The following SMARCB1 variants were observed in gnomAD, a reference collection of about 807,000 sequenced individuals.
SMARCB1 encodes the protein SWI/SNF-related matrix-associated actin-dependent regulator of chromatin subfamily B member 1.
SMARCB1 carries 5 observed loss-of-function variants against 49.0 expected under a neutral mutation model. That is an observed-to-expected ratio of 0.10 (90% confidence interval 0.05 to 0.21). The LOEUF (loss-of-function observed/expected upper bound fraction) is 0.21, where lower values mean the gene tolerates loss of function less well. SMARCB1 is among the 10% of genes least tolerant of loss of function. SMARCB1 has a pLI of 1.00. For missense variants in SMARCB1, 226 were observed against 509.2 expected, an observed-to-expected ratio of 0.44 and a Z score of 5.35; for synonymous variants, 201 against 200.1, an observed-to-expected ratio of 1.00 and a Z score of -0.04.
At chr22:23,833,762 G>T in intron 8 of SMARCB1, 59 bp downstream of exon 8, 1 of 1,597,974 alleles carries the variant, frequency 6.3e-7, no homozygotes. Context: ...TCCAGGCAGA[G>T]GCAGGGCCAT....
intron 3 of SMARCB1, among the ~76,000 whole-genome samples, chr22:23,797,067 G>A (rs1209511775): frequency 1.4e-5 from 2 of 146,974 alleles, no homozygotes; most frequent in South Asian, 4.4e-4. Flanking sequence ...GCGCAATCTC[G>A]GCTCACTGCA....
At position 23,812,225 on chromosome 22, in the gene SMARCB1, G is replaced by A. The variant is rs1195879136; in HGVS notation, c.629-4545G>A. On this transcript the variant is annotated intron_variant, in intron 5 of 8. Coordinates refer to ENST00000644036, the MANE Select transcript of SMARCB1 (RefSeq NM_003073.5). ...AATCCCAGCTCTTTGGGAGGCTGAG[G>A]TGGGAGGATTACTTGAGGCCAGGAG... Among the ~76,000 whole-genome samples the A allele has an allele frequency of 3.9e-5, 6 of 152,202 alleles. No individual in the cohort carries two copies. In the East Asian group the frequency reaches 1.2e-3, roughly 29 times the overall value.
rs555143629 is a variant in SMARCB1, at chr22:23,837,706, A to G, written c.*3526A>G. On this transcript the variant is annotated 3_prime_UTR_variant, in exon 9 of 9. Coordinates refer to ENST00000644036, the MANE Select transcript of SMARCB1 (RefSeq NM_003073.5). Reference sequence around the variant, plus strand: ...GTTGCCCAGCAGCAGCGAGAAGCCCATGAGCGCCCAAGGCAGGAACGGTGC... The same window carrying G: ...GTTGCCCAGCAGCAGCGAGAAGCCCGTGAGCGCCCAAGGCAGGAACGGTGC... 3.7e-6 allele frequency: 6 copies of G among 1,613,954 alleles called. No homozygotes were observed. Among genetic ancestry groups the G allele is most frequent in the Admixed American group, 1.7e-5 (1 of 60,018 alleles).
chr22:23,812,865 AT>A (rs34368167), intron 5 of SMARCB1, among the ~76,000 whole-genome samples: 13,058 of 137,706 alleles, frequency 0.095, 1,669 homozygotes, highest in African/African-American at 0.29. Context: ...TCCTGTTGCT[AT>A]TTTTTTTTTT....
At chr22:23,832,922 C>A (rs912464824) in intron 7 of SMARCB1, among the ~76,000 whole-genome samples, 6 of 152,076 alleles carry the variant, frequency 3.9e-5, no homozygotes, top group African/African-American at 1.2e-4. Flanking sequence ...CTTGTGAGAC[C>A]CAGGGCAGAG....
chr22:23,802,921 C>T (rs1164766425), intron 4 of SMARCB1: 1 of 368,018 alleles, frequency 2.7e-6, no homozygotes, highest in Non-Finnish European at 5.3e-6. Flanking sequence ...CCTCCATTCA[C>T]CTGCCTTGGC....
intron 7 of SMARCB1, among the ~76,000 whole-genome samples, chr22:23,831,563 TA>T (rs2030658071): frequency 6.6e-6 from 1 of 152,190 alleles, no homozygotes; most frequent in Non-Finnish European, 1.5e-5. Flanking sequence ...CAAGGCAGGC[TA>T]GTGCTGGCTC....
intron 5 of SMARCB1, among the ~76,000 whole-genome samples, chr22:23,811,410 A>G (rs1929863251): frequency 1.3e-5 from 2 of 152,258 alleles, no homozygotes; most frequent in Admixed American, 6.5e-5. Context: ...ATTAGCATTT[A>G]TAGAACACTC....
At chr22:23,819,051 C>T (rs2029934160) in intron 6 of SMARCB1, among the ~76,000 whole-genome samples, 2 of 151,990 alleles carry the variant, frequency 1.3e-5, no homozygotes, top group South Asian at 4.2e-4. Context: ...GGGGTTTCGC[C>T]ATGTTGCCCA....
chr22:23,793,780 A>AAT, intron 3 of SMARCB1, 92 bp downstream of exon 3: 35 of 923,280 alleles, frequency 3.8e-5, no homozygotes, highest in Middle Eastern at 3.1e-4. Flanking sequence ...AAATTGAAAC[A>AAT]CTTTTTTTTT....
intron 7 of SMARCB1, chr22:23,825,688 C>T: frequency 2.0e-6 from 1 of 505,914 alleles, no homozygotes. Flanking sequence ...TCCACGGAGC[C>T]CTGGCCTGCC....
chr22:23,814,021 G>C (rs1930034120), intron 5 of SMARCB1, among the ~76,000 whole-genome samples: 1 of 151,942 alleles, frequency 6.6e-6, no homozygotes, highest in African/African-American at 2.4e-5. Flanking sequence ...GTAGAGACAG[G>C]GTATTACCAT....
In SMARCB1 at chr22:23,834,806, C is replaced by A; in HGVS notation, c.*626C>A. The A allele has an allele frequency of 6.2e-7, 1 of 1,605,312 alleles. No individual in the cohort carries two copies. Among genetic ancestry groups the A allele is most frequent in the South Asian group, 1.1e-5 (1 of 89,740 alleles). ...CTCTGCCTTTCAGGAACAGCCCTAA[C>A]CCTGCTCCCCTTGCTTGGCCTCAGG... On this transcript the variant is annotated 3_prime_UTR_variant, in exon 9 of 9. Transcript: ENST00000644036.
chr22:23,805,777 T>A lies in SMARCB1; in HGVS notation c.628+2355T>A, dbSNP rs371583869. On this transcript the variant is annotated intron_variant, in intron 5 of 8. Transcript: ENST00000644036. The stretch of plus-strand genomic sequence containing the variant: ...GCCTTGGCCTCCCAAAGTGCTGGGA[T>A]TACAGGCGTGAGCCACCGCGCCCGG... Among the ~76,000 whole-genome samples, 75 of 152,362 alleles carry A rather than the reference T, an allele frequency of 4.9e-4. 1 individual carries two copies. Among genetic ancestry groups the A allele is most frequent in the African/African-American group, 1.8e-3 (74 of 41,594 alleles).
In SMARCB1 at chr22:23,787,011, G is replaced by A; in HGVS notation, c.-159G>A. ...GGCGGCCTGGTCGTCGTCTGCGGCG[G>A]CGGCGGCGGCTGAGGAGCCCGGCTG... On this transcript the variant is annotated 5_prime_UTR_variant, in exon 1 of 9. Transcript: ENST00000644036. The A allele has an allele frequency of 2.0e-6, 1 of 504,930 alleles. No individual in the cohort carries two copies. Among genetic ancestry groups the A allele is most frequent in the Non-Finnish European group, 3.5e-6 (1 of 288,242 alleles). 31.3% of individuals were successfully genotyped at this position (504,930 alleles called of 1,614,324 possible).
At chr22:23,795,436 A>T (rs1216527486) in intron 3 of SMARCB1, among the ~76,000 whole-genome samples, 1 of 152,010 alleles carries the variant, frequency 6.6e-6, no homozygotes, top group Non-Finnish European at 1.5e-5. Context: ...CGGGCGGATC[A>T]CCTGAGGTCA....
At position 23,835,938 on chromosome 22, in the gene SMARCB1, C is replaced by T; in HGVS notation, c.*1758C>T. ...CTGGCTACAACACGGAGGGCAGACT[C>T]AACAGAGAACAGTGTTGTTACCATG... On this transcript the variant is annotated 3_prime_UTR_variant, in exon 9 of 9. Coordinates refer to ENST00000644036, the MANE Select transcript of SMARCB1 (RefSeq NM_003073.5). 1 of 985,520 alleles carries T rather than the reference C, an allele frequency of 1.0e-6. No individual in the cohort carries two copies. Among genetic ancestry groups the T allele is most frequent in the Non-Finnish European group, 1.2e-6 (1 of 829,958 alleles). The allele number at this position is 985,520 out of a possible 1,614,324, so 61.0% of individuals were successfully genotyped here.
intron 3 of SMARCB1, among the ~76,000 whole-genome samples, chr22:23,794,677 TC>T (rs1928627906): frequency 6.6e-6 from 1 of 152,190 alleles, no homozygotes; most frequent in Non-Finnish European, 1.5e-5. Context: ...GGTGGGCAGA[TC>T]ACCTGAGGTC....
intron 5 of SMARCB1, among the ~76,000 whole-genome samples, chr22:23,813,245 C>G (rs1929987971): frequency 6.6e-6 from 1 of 152,182 alleles, no homozygotes. Context: ...TCTGCTGTCA[C>G]TATTCTTATT....
Sources: allele counts gnomAD v4.1 joint callset (sites outside exome capture counted in the v4.1 genomes callset), GRCh38; gene constraint gnomAD v4.1.1; transcripts MANE v1.5; gene names NCBI Gene and HGNC (gene_info 2026-07-23, HGNC 2026-07-21).